Variants in CFHR3 observed in about 807,000 individuals in gnomAD.
CFHR3 encodes complement factor H related 3, also known as complement factor H-related protein 3.
In CFHR3, 22 loss-of-function variants were observed where a neutral mutation model predicts 36.0. That is an observed-to-expected ratio of 0.61 (90% CI 0.44 to 0.87). The LOEUF (loss-of-function observed/expected upper bound fraction) is 0.87. Ranked by LOEUF, CFHR3 falls within the 40% of genes least tolerant of loss-of-function variation. The pLI, the probability that CFHR3 is intolerant of heterozygous loss-of-function variation, is 0.00. For synonymous variants in CFHR3, 97 were observed against 137.4 expected, an observed-to-expected ratio of 0.71 and a Z score of 2.06; for missense variants, 276 against 401.3, an observed-to-expected ratio of 0.69 and a Z score of 2.67.
At chr1:196,776,262 G>A (rs1225435922) in intron 1 of CFHR3, among the ~76,000 whole-genome samples, 1 of 135,894 alleles carries the variant, frequency 7.4e-6, no homozygotes, top group Non-Finnish European at 1.6e-5. Context: ...CTCCTCCAAT[G>A]AACTCTTTGT....
At chr1:196,783,043 T>G (rs1230555710) in intron 3 of CFHR3, among the ~76,000 whole-genome samples, 1 of 137,302 alleles carries the variant, frequency 7.3e-6, no homozygotes, top group Non-Finnish European at 1.5e-5. Flanking sequence ...AGGCCTTTTC[T>G]GCATCTATTG....
chr1:196,778,543 T>C (rs1653821367), intron 1 of CFHR3, among the ~76,000 whole-genome samples: 1 of 136,506 alleles, frequency 7.3e-6, no homozygotes, highest in Non-Finnish European at 1.5e-5. Context: ...TATATATATA[T>C]TTGAACATTC....
rs534827981 is a variant in CFHR3, at chr1:196,782,413, T to C, written c.430+2440T>C. Reference sequence around the variant, plus strand: ...TTGGGCAGTATGGCCATTTTCATGATATTGATTCCTCCTACCCATGAGCAT... The same window carrying C: ...TTGGGCAGTATGGCCATTTTCATGACATTGATTCCTCCTACCCATGAGCAT... On this transcript the variant is annotated intron_variant, in intron 3 of 5. Transcript: ENST00000367425. Among the ~76,000 whole-genome samples the C allele has an allele frequency of 1.5e-5, 2 of 137,326 alleles. 1 individual carries two copies. Among genetic ancestry groups the C allele is most frequent in the Non-Finnish European group, 3.1e-5 (2 of 64,680 alleles). 90.1% of individuals were successfully genotyped at this position (137,326 alleles called of 152,430 possible).
chr1:196,779,714 T>C (rs192990061), intron 2 of CFHR3, 83 bp from the exon 3 acceptor site: 16,248 of 1,392,924 alleles, frequency 0.012, 2,477 homozygotes, highest in Non-Finnish European at 0.014. Flanking sequence ...TATTTAAATA[T>C]GGTAACAATA....
At chr1:196,779,775 T>A in intron 2 of CFHR3, 22 bp from the exon 3 acceptor site, 1 of 1,491,896 alleles carries the variant, frequency 6.7e-7, no homozygotes, top group Non-Finnish European at 9.0e-7. Flanking sequence ...ACTTTATTTA[T>A]TTATCATTGC....
At chr1:196,789,465 A>G in intron 4 of CFHR3, 1 of 965,104 alleles carries the variant, frequency 1.0e-6, no homozygotes, top group Non-Finnish European at 1.3e-6. Context: ...GCTTTGATAA[A>G]TGATCTACTT....
At position 196,794,184 on chromosome 1, in the gene CFHR3, GC is replaced by G. The variant is rs1654517509; in HGVS notation, c.*673del. The G allele has an allele frequency of 6.7e-6, 1 of 149,870 alleles. No homozygotes were observed. The highest frequency in any genetic ancestry group is 3.0e-5 in the African/African-American group (1 of 33,178). 9.3% of individuals were successfully genotyped at this position (149,870 alleles called of 1,614,324 possible). ...AATGTTGACACTTTAGGATGCTGAA[GC>G]CAGGTGCAGTGGCACACGCCTGTAA... On this transcript the variant is annotated 3_prime_UTR_variant, in exon 6 of 6. Coordinates refer to ENST00000367425, the MANE Select transcript of CFHR3 (RefSeq NM_021023.6).
Position 196,790,058 on chromosome 1 carries a change from G to A in CFHR3, c.627G>A (p.Lys209=). Residue 209 remains lysine (K), a synonymous_variant, in exon 5 of 6, where the codon AAG becomes AAA. Coordinates refer to ENST00000367425, the MANE Select transcript of CFHR3 (RefSeq NM_021023.6). ...AQPICINSSE[K]CGPPPPISNG... is the part of the protein sequence containing the mutation. ...ATTTTTTTTCAGATTCTTCAGAAAA[G>A]TGTGGGCCTCCTCCACCTATTAGCA... The A allele has an allele frequency of 1.6e-5, 22 of 1,348,412 alleles. 5 individuals carry two copies. Among genetic ancestry groups the A allele is most frequent in the Non-Finnish European group, 2.2e-5 (22 of 1,015,562 alleles). The allele number at this position is 1,348,412 out of a possible 1,614,324, so 83.5% of individuals were successfully genotyped here. A position where few individuals can be genotyped will look rare whatever the true frequency, so the allele number is the denominator to read the frequency against.
Position 196,793,651 on chromosome 1 carries a change from T to A in CFHR3, c.*138T>A. The A allele has an allele frequency of 1.2e-6, 1 of 824,556 alleles. No homozygotes were observed. The highest frequency in any genetic ancestry group is 1.8e-6 in the Non-Finnish European group (1 of 552,410). The allele number at this position is 824,556 out of a possible 1,614,324, so 51.1% of individuals were successfully genotyped here. The stretch of plus-strand genomic sequence containing the variant: ...TTCAAAGAAAATTAATATAATAGTT[T>A]CAATTTGCAACTTAATATATTCTCA... On this transcript the variant is annotated 3_prime_UTR_variant, in exon 6 of 6. Transcript: ENST00000367425.
At chr1:196,775,735 G>T (rs1653691303) in intron 1 of CFHR3, among the ~76,000 whole-genome samples, 1 of 136,740 alleles carries the variant, frequency 7.3e-6, no homozygotes, top group South Asian at 2.5e-4. Flanking sequence ...AACCACATGG[G>T]TCAAAAATCA....
intron 1 of CFHR3, among the ~76,000 whole-genome samples, chr1:196,775,292 G>C (rs1049262546): frequency 7.3e-6 from 1 of 136,446 alleles, no homozygotes; most frequent in African/African-American, 3.0e-5. Flanking sequence ...TTTCCTATAC[G>C]TAATACAAGG....
chr1:196,782,093 G>C (rs1182216774), intron 3 of CFHR3, among the ~76,000 whole-genome samples: 1 of 137,228 alleles, frequency 7.3e-6, no homozygotes. Flanking sequence ...TCTCAGGTTT[G>C]TCAAAGATCA....
chr1:196,785,478 T>C lies in CFHR3; in HGVS notation c.431-2738T>C, dbSNP rs548856174. 5.1e-3 allele frequency among the ~76,000 whole-genome samples: 691 copies of C among 135,400 alleles called. 184 individuals are homozygous for C. The highest frequency in any genetic ancestry group is 0.021 in the African/African-American group (669 of 31,880). 88.8% of individuals were successfully genotyped at this position (135,400 alleles called of 152,430 possible). A position where few individuals can be genotyped will look rare whatever the true frequency, so the allele number is the denominator to read the frequency against. The stretch of plus-strand genomic sequence containing the variant: ...GATTTGGTCTTTTCACATAGTCCCA[T>C]ATTTCTTGGAGGTTTTGTTCATTTC... On this transcript the variant is annotated intron_variant, in intron 3 of 5. Transcript: ENST00000367425.
At position 196,776,411 on chromosome 1, in the gene CFHR3, C is replaced by T. The variant is rs1653722682; in HGVS notation, c.58+1467C>T. 2.9e-5 allele frequency among the ~76,000 whole-genome samples: 4 copies of T among 137,606 alleles called. 2 individuals carry two copies. The highest frequency in any genetic ancestry group is 1.2e-4 in the African/African-American group (4 of 33,202). 90.3% of individuals were successfully genotyped at this position (137,606 alleles called of 152,430 possible). A position where few individuals can be genotyped will look rare whatever the true frequency, so the allele number is the denominator to read the frequency against. Reference sequence around the variant, plus strand: ...GAATTCAGTAGCATTGGCTCAACTGCATCCCGCCAAAATTCATTTGTTAAA... The same window carrying T: ...GAATTCAGTAGCATTGGCTCAACTGTATCCCGCCAAAATTCATTTGTTAAA... On this transcript the variant is annotated intron_variant, in intron 1 of 5. Transcript: ENST00000367425.
chr1:196,788,675 T>A lies in CFHR3; in HGVS notation c.613+277T>A, dbSNP rs1443528459. The A allele has an allele frequency of 1.7e-5, 24 of 1,452,162 alleles. 6 individuals are homozygous for A. Among genetic ancestry groups the A allele is most frequent in the African/African-American group, 5.1e-5 (3 of 58,872 alleles). 90.0% of individuals were successfully genotyped at this position (1,452,162 alleles called of 1,614,324 possible). On this transcript the variant is annotated intron_variant, in intron 4 of 5. Transcript: ENST00000367425. ...CTAGTTAGGGAGCTGCATGAGAGTATCAGCAAAATATGTTAGTTGCCAATA... is the reference window on the plus strand; with the variant it reads ...CTAGTTAGGGAGCTGCATGAGAGTAACAGCAAAATATGTTAGTTGCCAATA...
At position 196,782,284 on chromosome 1, in the gene CFHR3, G is replaced by A. The variant is rs1444040211; in HGVS notation, c.430+2311G>A. Among the ~76,000 whole-genome samples, 6 of 136,690 alleles carry A rather than the reference G, an allele frequency of 4.4e-5. 1 individual carries two copies. Among genetic ancestry groups the A allele is most frequent in the East Asian group, 3.9e-4 (2 of 5,102 alleles). The allele number at this position is 136,690 out of a possible 152,430, so 89.7% of individuals were successfully genotyped here. On this transcript the variant is annotated intron_variant, in intron 3 of 5. Coordinates refer to ENST00000367425, the MANE Select transcript of CFHR3 (RefSeq NM_021023.6). Reference sequence around the variant, plus strand: ...TGGCTTAGGATTGACTTGGTGATGCGGGCTCTTTTTTGGTTCCATATGAAC... The same window carrying A: ...TGGCTTAGGATTGACTTGGTGATGCAGGCTCTTTTTTGGTTCCATATGAAC...
chr1:196,775,130 T>G (rs1653660460), intron 1 of CFHR3, among the ~76,000 whole-genome samples, 186 bp downstream of exon 1: 1 of 137,424 alleles, frequency 7.3e-6, no homozygotes, highest in Non-Finnish European at 1.6e-5. Flanking sequence ...CATTTTAACT[T>G]AAAGAAAAAA....
Position 196,790,184 on chromosome 1 carries a change from A to G in CFHR3, c.753A>G (p.Val251=), listed in dbSNP as rs369359160. The part of the protein sequence containing the change: ...PYYELQGSNY[V]TCSNGEWSEP... ...ATGAACTTCAGGGTTCTAATTATGT[A>G]ACATGTAGTAATGGAGAGTGGTCGG... The change falls in exon 5 of 6, where the codon GTA becomes GTG. Residue 251 remains valine (V), a synonymous_variant. Coordinates refer to ENST00000367425, the MANE Select transcript of CFHR3 (RefSeq NM_021023.6). 1.7e-4 allele frequency: 236 copies of G among 1,367,424 alleles called. 56 individuals carry two copies. Among genetic ancestry groups the G allele is most frequent in the Non-Finnish European group, 2.0e-4 (205 of 1,027,520 alleles). The allele number at this position is 1,367,424 out of a possible 1,614,324, so 84.7% of individuals were successfully genotyped here.
chr1:196,789,076 C>G (rs1458286432), intron 4 of CFHR3: 6 of 1,124,866 alleles, frequency 5.3e-6, no homozygotes, highest in African/African-American at 2.1e-5. Flanking sequence ...GGAAATCTTT[C>G]AGTGGCAAAA....
Sources: allele counts gnomAD v4.1 joint callset (sites outside exome capture counted in the v4.1 genomes callset), GRCh38; gene constraint gnomAD v4.1.1; transcripts MANE v1.5; gene names NCBI Gene and HGNC (gene_info 2026-07-23, HGNC 2026-07-21).